ADGRL3: variants seen among roughly 807,000 people sequenced by gnomAD.
ADGRL3 encodes the protein adhesion G protein-coupled receptor L3.
ADGRL3 carries 62 observed loss-of-function variants against 153.5 expected under a neutral mutation model. The observed-to-expected ratio is 0.40, with a 90% CI of 0.33 to 0.50. The LOEUF (loss-of-function observed/expected upper bound fraction) is 0.50. Ranked by LOEUF, ADGRL3 falls within the 20% of genes least tolerant of loss-of-function variation. The pLI, the probability that ADGRL3 is intolerant of heterozygous loss-of-function variation, is 0.47. For synonymous variants in ADGRL3, 710 were observed against 672.5 expected, an observed-to-expected ratio of 1.06 and a Z score of -0.86; for missense variants, 1,641 against 1,859.4, an observed-to-expected ratio of 0.88 and a Z score of 2.16.
At chr4:61,923,754 A>G (rs917530870) in intron 13 of ADGRL3, among the ~76,000 whole-genome samples, 2 of 152,168 alleles carry the variant, frequency 1.3e-5, no homozygotes, top group South Asian at 4.1e-4. Flanking sequence ...ATGTGAACTT[A>G]TAACACTCTC....
chr4:61,467,696 C>A (rs768371964), intron 2 of ADGRL3, among the ~76,000 whole-genome samples: 10 of 151,888 alleles, frequency 6.6e-5, no homozygotes, highest in Non-Finnish European at 2.9e-5. Context: ...TTATATGATA[C>A]CTTATTATCC....
chr4:61,975,491 G>C (rs576705435), intron 17 of ADGRL3, among the ~76,000 whole-genome samples: 1 of 152,154 alleles, frequency 6.6e-6, no homozygotes, highest in Non-Finnish European at 1.5e-5. Flanking sequence ...CAGGGGTGCA[G>C]TTCTTAGGGC....
intron 5 of ADGRL3, among the ~76,000 whole-genome samples, chr4:61,672,009 T>A (rs1389337772): frequency 6.6e-6 from 1 of 152,164 alleles, no homozygotes; most frequent in African/African-American, 2.4e-5. Context: ...GTAGCTTGTG[T>A]CCTCACTTGG....
intron 1 of ADGRL3, among the ~76,000 whole-genome samples, chr4:61,362,357 C>CAT (rs757577726): frequency 2.1e-4 from 32 of 150,962 alleles, no homozygotes; most frequent in Non-Finnish European, 3.5e-4. Context: ...CACACACACA[C>CAT]ATATATACAC....
At chr4:62,066,855 GA>G (rs1288029168) in intron 25 of ADGRL3, among the ~76,000 whole-genome samples, 1 of 152,052 alleles carries the variant, frequency 6.6e-6, no homozygotes, top group Non-Finnish European at 1.5e-5. Context: ...AAGAAGTCTG[GA>G]AGACTTTTTT....
chr4:61,959,895 G>A (rs2098981416), intron 17 of ADGRL3, among the ~76,000 whole-genome samples: 1 of 152,072 alleles, frequency 6.6e-6, no homozygotes, highest in Admixed American at 6.6e-5. Context: ...CTATAGTATG[G>A]TGGGATTTAG....
chr4:61,584,584 T>A (rs189014024), intron 4 of ADGRL3, among the ~76,000 whole-genome samples: 26 of 152,158 alleles, frequency 1.7e-4, no homozygotes, highest in Non-Finnish European at 2.2e-4. Flanking sequence ...AACCTTTTTT[T>A]AAAAAACTTA....
intron 2 of ADGRL3, among the ~76,000 whole-genome samples, chr4:61,488,270 C>A (rs2098219269): frequency 6.6e-6 from 1 of 151,966 alleles, no homozygotes; most frequent in Admixed American, 6.6e-5. Flanking sequence ...TGTCTTCTAA[C>A]TTAGCATCAA....
intron 26 of ADGRL3, among the ~76,000 whole-genome samples, chr4:62,069,801 C>A (rs1270956932): frequency 6.6e-6 from 1 of 152,080 alleles, no homozygotes; most frequent in Non-Finnish European, 1.5e-5. Context: ...ACCAAATATA[C>A]TTCAAATAAT....
chr4:61,484,339 G>A (rs2098166392), intron 2 of ADGRL3, among the ~76,000 whole-genome samples: 1 of 152,138 alleles, frequency 6.6e-6, no homozygotes, highest in Non-Finnish European at 1.5e-5. Flanking sequence ...TGACTGCAAA[G>A]CAGTCTTCTT....
chr4:62,017,786 G>T (rs550424882), intron 21 of ADGRL3, among the ~76,000 whole-genome samples: 17 of 152,250 alleles, frequency 1.1e-4, no homozygotes, highest in African/African-American at 2.9e-4. Context: ...AGAAAGCATG[G>T]TTCCTTTCTT....
intron 3 of ADGRL3, among the ~76,000 whole-genome samples, chr4:61,505,790 T>A (rs1437318300): frequency 6.6e-6 from 1 of 151,010 alleles, no homozygotes; most frequent in Non-Finnish European, 1.5e-5. Flanking sequence ...ATATTATATA[T>A]TAGTGTCCTC....
At chr4:61,537,197 C>G (rs1477876375) in intron 4 of ADGRL3, among the ~76,000 whole-genome samples, 1 of 148,730 alleles carries the variant, frequency 6.7e-6, no homozygotes, top group East Asian at 2.0e-4. Flanking sequence ...TTTAGGTAGT[C>G]TAAAAAGAGA....
intron 1 of ADGRL3, among the ~76,000 whole-genome samples, chr4:61,382,543 A>G (rs1431728176): frequency 6.6e-6 from 1 of 151,874 alleles, no homozygotes; most frequent in Non-Finnish European, 1.5e-5. Flanking sequence ...AAATGCCTCT[A>G]TAAATCTTTC....
chr4:61,317,837 T>C (rs151034481), intron 1 of ADGRL3, among the ~76,000 whole-genome samples: 139 of 152,138 alleles, frequency 9.1e-4, no homozygotes, highest in African/African-American at 3.1e-3. Context: ...TCCAACCCAG[T>C]ACAAAAACTT....
At chr4:61,207,601 G>T (rs1737904059) in intron 1 of ADGRL3, among the ~76,000 whole-genome samples, 1 of 152,092 alleles carries the variant, frequency 6.6e-6, no homozygotes, top group Admixed American at 6.6e-5. Context: ...ACTGCTAGTT[G>T]TAGATCCTTG....
chr4:62,053,476 C>T (rs1026728552), intron 25 of ADGRL3, among the ~76,000 whole-genome samples: 13 of 151,276 alleles, frequency 8.6e-5, no homozygotes, highest in Non-Finnish European at 1.0e-4. Context: ...GGAATGTGGC[C>T]GCTTCAGAAT....
At chr4:61,728,513 A>T (rs573006877) in intron 6 of ADGRL3, among the ~76,000 whole-genome samples, 2 of 152,250 alleles carry the variant, frequency 1.3e-5, no homozygotes, top group East Asian at 3.9e-4. Flanking sequence ...CTCATTAAGT[A>T]TTTGTTGAAG....
chr4:61,782,057 T>A (rs2097219802), intron 8 of ADGRL3, among the ~76,000 whole-genome samples: 3 of 152,150 alleles, frequency 2.0e-5, no homozygotes, highest in Admixed American at 2.0e-4. Context: ...TACAAAGCAA[T>A]TTTTTATGAT....
Sources: allele counts gnomAD v4.1 joint callset (sites outside exome capture counted in the v4.1 genomes callset), GRCh38; gene constraint gnomAD v4.1.1; transcripts MANE v1.5; gene names NCBI Gene and HGNC (gene_info 2026-07-23, HGNC 2026-07-21).